ARHGAP15: variants seen among roughly 807,000 people sequenced by gnomAD.
ARHGAP15 encodes the protein Rho GTPase activating protein 15, also known as rho GTPase-activating protein 15.
ARHGAP15 carries 51 observed loss-of-function variants against 63.7 expected under a neutral mutation model. The observed-to-expected ratio is 0.80, with a 90% confidence interval of 0.64 to 1.01. The LOEUF is 1.01. Ranked by LOEUF, ARHGAP15 falls within the 50% of genes least tolerant of loss-of-function variation. ARHGAP15 has a pLI of 0.00. For synonymous variants in ARHGAP15, 191 were observed against 193.8 expected (o/e 0.99, Z 0.12); for missense variants, 560 against 564.6 (o/e 0.99, Z 0.08).
intron 9 of ARHGAP15, among the ~76,000 whole-genome samples, chr2:143,509,409 C>T (rs776148903): frequency 2.0e-5 from 3 of 151,800 alleles, no homozygotes; most frequent in East Asian, 1.9e-4. Context: ...AGCAGAGAAT[C>T]GGCCCAATTT....
In ARHGAP15 at chr2:143,486,492, G is replaced by A. The variant is rs376876646; in HGVS notation, c.704-881G>A. ...TGGGGTGGGAGGATCATATGAGCCT[G>A]AAGGGTTGAGGCTGCAGTGAGCTAT... On this transcript the variant is annotated intron_variant, in intron 8 of 13. Transcript: ENST00000295095. 1.6e-4 allele frequency among the ~76,000 whole-genome samples: 25 copies of A among 151,858 alleles called. 1 individual carries two copies. In the South Asian group the frequency reaches 1.7e-3, roughly 10 times the overall value.
At chr2:143,458,790 T>A (rs1690780367) in intron 8 of ARHGAP15, among the ~76,000 whole-genome samples, 1 of 152,166 alleles carries the variant, frequency 6.6e-6, no homozygotes, top group African/African-American at 2.4e-5. Context: ...AGTGACCAAA[T>A]ATGCCAAAAT....
chr2:143,733,588 C>T (rs776010006), intron 13 of ARHGAP15, among the ~76,000 whole-genome samples: 9 of 152,186 alleles, frequency 5.9e-5, no homozygotes, highest in South Asian at 2.1e-4. Flanking sequence ...CTTCGTTTTT[C>T]AGAAAATACA....
At chr2:143,685,313 C>T (rs1237367430) in intron 12 of ARHGAP15, among the ~76,000 whole-genome samples, 1 of 152,140 alleles carries the variant, frequency 6.6e-6, no homozygotes, top group African/African-American at 2.4e-5. Context: ...CCTGGAAAGT[C>T]CAAGTTCAAA....
chr2:143,762,660 T>C (rs1686801509), intron 13 of ARHGAP15, among the ~76,000 whole-genome samples: 1 of 152,134 alleles, frequency 6.6e-6, no homozygotes, highest in African/African-American at 2.4e-5. Flanking sequence ...ATGTACAAGA[T>C]TCAAGTAATT....
intron 6 of ARHGAP15, among the ~76,000 whole-genome samples, chr2:143,400,411 GTTGT>G (rs963094130): frequency 2.0e-4 from 31 of 152,050 alleles, no homozygotes; most frequent in African/African-American, 7.5e-4. Flanking sequence ...GAGTTATCTA[GTTGT>G]TTGTTTACTG....
chr2:143,600,760 C>T (rs571262539), intron 11 of ARHGAP15, among the ~76,000 whole-genome samples: 22 of 152,202 alleles, frequency 1.4e-4, no homozygotes, highest in Middle Eastern at 3.4e-3. Flanking sequence ...GTACCGGCTA[C>T]TGTAGTATTT....
At chr2:143,167,870 TGTG>T (rs1364712128) in intron 2 of ARHGAP15, among the ~76,000 whole-genome samples, 3 of 152,112 alleles carry the variant, frequency 2.0e-5, no homozygotes, top group African/African-American at 7.2e-5. Flanking sequence ...TCATTAGAGT[TGTG>T]GTGTTTTCCT....
At chr2:143,159,003 T>C (rs773780147) in intron 2 of ARHGAP15, among the ~76,000 whole-genome samples, 5 of 151,932 alleles carry the variant, frequency 3.3e-5, no homozygotes, top group Non-Finnish European at 5.9e-5. Flanking sequence ...TGCAGACATA[T>C]GATTTGCAGG....
At chr2:143,519,880 TC>T (rs1693987074) in intron 10 of ARHGAP15, among the ~76,000 whole-genome samples, 1 of 152,202 alleles carries the variant, frequency 6.6e-6, no homozygotes, top group Non-Finnish European at 1.5e-5. Context: ...GACCTTTGAT[TC>T]CTCTATTTCA....
intron 2 of ARHGAP15, among the ~76,000 whole-genome samples, chr2:143,183,989 A>G (rs1691339497): frequency 1.3e-5 from 2 of 152,052 alleles, no homozygotes; most frequent in Admixed American, 6.6e-5. Flanking sequence ...ATGGCAGTTG[A>G]CTCAACTAGG....
intron 12 of ARHGAP15, among the ~76,000 whole-genome samples, chr2:143,650,569 C>A (rs1043519727): frequency 6.6e-6 from 1 of 151,914 alleles, no homozygotes; most frequent in African/African-American, 2.4e-5. Context: ...ACTGCACCCA[C>A]TAAGTATTCT....
intron 12 of ARHGAP15, chr2:143,656,138 TG>T (rs1238979930): frequency 2.0e-5 from 3 of 152,144 alleles, no homozygotes; most frequent in African/African-American, 7.2e-5. Context: ...GCATACAAGA[TG>T]ATGTTTTTAT....
chr2:143,395,517 A>G (rs1334262924), intron 6 of ARHGAP15, among the ~76,000 whole-genome samples: 1 of 152,188 alleles, frequency 6.6e-6, no homozygotes, highest in Non-Finnish European at 1.5e-5. Flanking sequence ...ACACATAGTT[A>G]CCTATAGAAG....
At chr2:143,435,526 T>G in intron 6 of ARHGAP15, 75 bp from the exon 7 acceptor site, 1 of 1,404,370 alleles carries the variant, frequency 7.1e-7, no homozygotes, top group South Asian at 1.6e-5. Flanking sequence ...TAAAAAAGGA[T>G]TTTTACATGT....
intron 13 of ARHGAP15, among the ~76,000 whole-genome samples, chr2:143,717,757 C>T (rs561217626): frequency 2.0e-4 from 30 of 152,218 alleles, no homozygotes; most frequent in Admixed American, 7.8e-4. Context: ...AAGAGCATCA[C>T]GGGGCTGGGA....
At chr2:143,644,240 G>C (rs1437589615) in intron 12 of ARHGAP15, among the ~76,000 whole-genome samples, 6 of 152,010 alleles carry the variant, frequency 3.9e-5, no homozygotes, top group Admixed American at 3.3e-4. Context: ...GTAATAGACT[G>C]GGGGTAGGGA....
intron 5 of ARHGAP15, chr2:143,236,980 C>G (rs1450466560): frequency 6.6e-6 from 1 of 152,058 alleles, no homozygotes; most frequent in African/African-American, 2.4e-5. Context: ...CATTGTGGAA[C>G]AGCAAACAGT....
intron 13 of ARHGAP15, among the ~76,000 whole-genome samples, chr2:143,707,418 C>G (rs1167164246): frequency 2.0e-5 from 3 of 152,146 alleles, no homozygotes; most frequent in Non-Finnish European, 4.4e-5. Context: ...GAAGGGTGCT[C>G]TTTTCTCTGT....
Sources: gnomAD v4.1 joint callset for allele counts (sites outside exome capture counted in the v4.1 genomes callset) on GRCh38, gnomAD v4.1.1 for gene constraint, MANE v1.5 for transcripts, NCBI Gene and HGNC (gene_info 2026-07-23, HGNC 2026-07-21) for gene names.